Variants in NUFIP2 observed in about 807,000 individuals in gnomAD.
NUFIP2 encodes FMR1-interacting protein NUFIP2.
Under a neutral mutation model 56.9 loss-of-function variants are expected in NUFIP2, and 6 were observed. That is an observed-to-expected ratio of 0.11 (90% confidence interval 0.06 to 0.21). The LOEUF is 0.21. Ranked by LOEUF, NUFIP2 falls within the 10% of genes least tolerant of loss-of-function variation. The probability of loss-of-function intolerance (pLI) is 1.00; values close to 1 mark genes in which losing one functional copy is unlikely to be tolerated. For synonymous variants in NUFIP2, 321 were observed against 298.2 expected (o/e 1.08, Z -0.79); for missense variants, 828 against 826.8 (o/e 1.00, Z -0.02).
At chr17:29,272,240 C>T (rs1397518580) in intron 2 of NUFIP2, among the ~76,000 whole-genome samples, 6 of 133,136 alleles carry the variant, frequency 4.5e-5, no homozygotes, top group East Asian at 2.1e-4. Flanking sequence ...GAAATGTGTT[C>T]TTTTTTTTTT....
At chr17:29,275,547 C>A (rs8071053) in intron 2 of NUFIP2, among the ~76,000 whole-genome samples, 19,246 of 152,106 alleles carry the variant, frequency 0.13, 1,376 homozygotes, top group East Asian at 0.3. Context: ...TAAATCTTAA[C>A]CAAAGGTAAG....
chr17:29,288,000 T>A (rs1172954930), intron 1 of NUFIP2, among the ~76,000 whole-genome samples: 1 of 152,176 alleles, frequency 6.6e-6, no homozygotes, highest in Non-Finnish European at 1.5e-5. Flanking sequence ...CAAATACCTC[T>A]CATCTAACAG....
At chr17:29,291,922 T>C (rs1420261712) in intron 1 of NUFIP2, among the ~76,000 whole-genome samples, 1 of 150,252 alleles carries the variant, frequency 6.7e-6, no homozygotes, top group African/African-American at 2.4e-5. Context: ...CAAGTTACAA[T>C]CTGCAATAAA....
Position 29,258,532 on chromosome 17 carries a change from C to G in NUFIP2, c.*6007G>C, listed in dbSNP as rs1044349767. On this transcript the variant is annotated 3_prime_UTR_variant, in exon 4 of 4. Coordinates refer to ENST00000225388, the MANE Select transcript of NUFIP2 (RefSeq NM_020772.3). Reference sequence around the variant, plus strand: ...CACCACGTCCTTTAAGCCATTCTTCCCAATTCCTCTTTCTGAGGCAGAGAG... The same window carrying G: ...CACCACGTCCTTTAAGCCATTCTTCGCAATTCCTCTTTCTGAGGCAGAGAG... The G allele has an allele frequency of 1.4e-4, 21 of 152,130 alleles. No homozygotes were observed. Among genetic ancestry groups the G allele is most frequent in the African/African-American group, 4.8e-4 (20 of 41,436 alleles). The allele number at this position is 152,130 out of a possible 1,614,324, so 9.4% of individuals were successfully genotyped here. A position where few individuals can be genotyped will look rare whatever the true frequency, so the allele number is the denominator to read the frequency against.
In NUFIP2 at chr17:29,279,538, T is replaced by C. The variant is rs1032461130; in HGVS notation, c.2002+6454A>G. Among the ~76,000 whole-genome samples, 14 of 152,130 alleles carry C rather than the reference T, an allele frequency of 9.2e-5. No homozygotes were observed. In the East Asian group the frequency reaches 2.7e-3, roughly 29 times the overall value. ...CTGTAAGTAATTGCTTAATACCAAC[T>C]GTTGTATGTTTTTGAGACAGGGTCT... On this transcript the variant is annotated intron_variant, in intron 2 of 3. Transcript: ENST00000225388.
At chr17:29,265,363 C>T (rs1182223104) in intron 3 of NUFIP2, among the ~76,000 whole-genome samples, 10 of 143,246 alleles carry the variant, frequency 7.0e-5, no homozygotes, top group East Asian at 6.1e-4. Flanking sequence ...AGTGCAGTGG[C>T]GCGATCTCGG....
At position 29,279,997 on chromosome 17, in the gene NUFIP2, T is replaced by C. The variant is rs562791102; in HGVS notation, c.2002+5995A>G. On this transcript the variant is annotated intron_variant, in intron 2 of 3. Transcript: ENST00000225388. ...CTATGCCTGGCTAATTTTTGTATTT[T>C]CATAGAGATGGGGTTTCGTCATGTT... Among the ~76,000 whole-genome samples the C allele has an allele frequency of 1.1e-4, 17 of 152,238 alleles. No individual in the cohort carries two copies. In the East Asian group the frequency reaches 2.7e-3, roughly 24 times the overall value.
At chr17:29,292,890 GGGCGGCCGCGGTGC>G in intron 1 of NUFIP2, among the ~76,000 whole-genome samples, 1 of 146,360 alleles carries the variant, frequency 6.8e-6, no homozygotes, top group Non-Finnish European at 1.5e-5. Flanking sequence ...ACGGGGGGGG[GGGCGGCCGCGGTGC>G]GGGGGGCGCC....
intron 2 of NUFIP2, among the ~76,000 whole-genome samples, chr17:29,271,899 CAT>C (rs2069074846): frequency 6.6e-6 from 1 of 151,706 alleles, no homozygotes; most frequent in Non-Finnish European, 1.5e-5. Flanking sequence ...GGTGAAATCC[CAT>C]CTCTACTAAA....
intron 1 of NUFIP2, among the ~76,000 whole-genome samples, chr17:29,291,167 G>A (rs991230574): frequency 6.6e-6 from 1 of 151,502 alleles, no homozygotes; most frequent in African/African-American, 2.4e-5. Context: ...TAAGAAAAAT[G>A]TAAACATTAT....
chr17:29,264,784 C>G (rs994178495), intron 3 of NUFIP2, among the ~76,000 whole-genome samples, 193 bp from the exon 4 acceptor site: 6 of 152,092 alleles, frequency 3.9e-5, no homozygotes, highest in Non-Finnish European at 7.4e-5. Flanking sequence ...ATTTGGAATT[C>G]CAATGAATTC....
intron 3 of NUFIP2, among the ~76,000 whole-genome samples, chr17:29,266,438 A>G (rs2069037201): frequency 6.6e-6 from 1 of 152,018 alleles, no homozygotes; most frequent in South Asian, 2.1e-4. Flanking sequence ...TATGTAAAAT[A>G]AGAGAAATTT....
At chr17:29,285,221 A>G (rs1464922014) in intron 2 of NUFIP2, among the ~76,000 whole-genome samples, 1 of 151,988 alleles carries the variant, frequency 6.6e-6, no homozygotes, top group African/African-American at 2.4e-5. Context: ...AATCACCTGA[A>G]CCCAAGAGGC....
At chr17:29,269,358 T>C (rs1295495015) in intron 2 of NUFIP2, among the ~76,000 whole-genome samples, 1 of 152,170 alleles carries the variant, frequency 6.6e-6, no homozygotes, top group Non-Finnish European at 1.5e-5. Flanking sequence ...AGGCACAACA[T>C]AATCCCTCCG....
At chr17:29,271,019 A>G (rs186791922) in intron 2 of NUFIP2, among the ~76,000 whole-genome samples, 1 of 152,332 alleles carries the variant, frequency 6.6e-6, no homozygotes, top group East Asian at 1.9e-4. Context: ...TAAAGAAGGC[A>G]AAACAACTAT....
At chr17:29,287,816 T>C (rs996920985) in intron 1 of NUFIP2, 100 bp from the exon 2 acceptor site, 50 of 1,128,856 alleles carry the variant, frequency 4.4e-5, no homozygotes, top group Non-Finnish European at 5.4e-5. Context: ...CTAGACACTA[T>C]GCTATGAGCT....
At chr17:29,273,132 T>C (rs1279444583) in intron 2 of NUFIP2, among the ~76,000 whole-genome samples, 2 of 149,326 alleles carry the variant, frequency 1.3e-5, no homozygotes, top group Non-Finnish European at 3.0e-5. Flanking sequence ...CTCTGCCTCC[T>C]GGGTTCAAGC....
chr17:29,264,644 C>A, intron 3 of NUFIP2, 53 bp from the exon 4 acceptor site: 1 of 1,138,240 alleles, frequency 8.8e-7, no homozygotes. Context: ...TCAAAATGCC[C>A]GTATTCCAAT....
intron 2 of NUFIP2, among the ~76,000 whole-genome samples, chr17:29,275,090 C>A (rs538874631): frequency 1.3e-5 from 2 of 152,088 alleles, no homozygotes; most frequent in South Asian, 2.1e-4. Context: ...TCGATCTCGG[C>A]TCACTGCAAC....
Sources: gnomAD v4.1 joint callset for allele counts (sites outside exome capture counted in the v4.1 genomes callset) on GRCh38, gnomAD v4.1.1 for gene constraint, MANE v1.5 for transcripts, NCBI Gene and HGNC (gene_info 2026-07-23, HGNC 2026-07-21) for gene names.